Variants in RIMS2 observed in about 807,000 individuals in gnomAD.
RIMS2 encodes regulating synaptic membrane exocytosis protein 2.
A neutral mutation model predicts 174.4 loss-of-function variants in RIMS2; 59 were observed. That is an observed-to-expected ratio of 0.34 (90% CI 0.27 to 0.42). The LOEUF is 0.42. Ranked by LOEUF, RIMS2 falls within the 10% of genes least tolerant of loss-of-function variation. The probability of loss-of-function intolerance (pLI) is 1.00; values close to 1 mark genes in which losing one functional copy is unlikely to be tolerated. For synonymous variants in RIMS2, 606 were observed against 572.5 expected (o/e 1.06, Z -0.84); for missense variants, 1,620 against 1,666.3 (o/e 0.97, Z 0.48).
chr8:104,177,450 A>G (rs1407821508), intron 19 of RIMS2, among the ~76,000 whole-genome samples: 2 of 152,182 alleles, frequency 1.3e-5, no homozygotes, highest in Non-Finnish European at 1.5e-5. Context: ...TGCTTGTTTA[A>G]TAAGATCTCA....
At chr8:103,661,766 A>G (rs1459164037) in intron 1 of RIMS2, among the ~76,000 whole-genome samples, 3 of 152,166 alleles carry the variant, frequency 2.0e-5, no homozygotes, top group South Asian at 2.1e-4. Context: ...TGGTCTCCCA[A>G]CGTGCTAGGA....
rs537024509 is a variant in RIMS2 at position 103,572,744 on chromosome 8, A to G, written c.176+71682A>G. 7.2e-5 allele frequency among the ~76,000 whole-genome samples: 11 copies of G among 152,060 alleles called. No individual in the cohort carries two copies. The South Asian group carries it at 2.3e-3, about 32-fold the overall frequency. On this transcript the variant is annotated intron_variant, in intron 1 of 23. Transcript: ENST00000504942. ...GTTTATGCTCTTTGCCAACTTTTTA[A>G]TGGGGTCATTTATTTTTTATTTGTC...
At chr8:103,650,361 C>T (rs1477578697) in intron 1 of RIMS2, among the ~76,000 whole-genome samples, 2 of 152,130 alleles carry the variant, frequency 1.3e-5, no homozygotes, top group East Asian at 3.9e-4. Flanking sequence ...TAGGAGGTGA[C>T]TGGAGACTCC....
At chr8:104,179,031 A>T (rs1377982338) in intron 19 of RIMS2, among the ~76,000 whole-genome samples, 1 of 152,140 alleles carries the variant, frequency 6.6e-6, no homozygotes, top group African/African-American at 2.4e-5. Context: ...TATCAAGATA[A>T]TGAGCAATTC....
chr8:103,945,243 A>G (rs927738884), intron 14 of RIMS2, among the ~76,000 whole-genome samples: 1 of 152,130 alleles, frequency 6.6e-6, no homozygotes, highest in Non-Finnish European at 1.5e-5. Context: ...AAACTGATCC[A>G]TAAAAAGCTA....
intron 19 of RIMS2, among the ~76,000 whole-genome samples, chr8:104,044,557 G>A (rs189120373): frequency 6.6e-6 from 1 of 151,586 alleles, no homozygotes; most frequent in East Asian, 1.9e-4. Context: ...TAGGATGTAT[G>A]TGGGATGTTT....
intron 19 of RIMS2, among the ~76,000 whole-genome samples, chr8:104,105,563 T>G (rs1015470213): frequency 1.4e-4 from 22 of 151,938 alleles, no homozygotes; most frequent in African/African-American, 5.1e-4. Flanking sequence ...TGGACATCAG[T>G]GTTAATTAAA....
At chr8:103,971,992 A>G (rs1263788250) in intron 15 of RIMS2, among the ~76,000 whole-genome samples, 2 of 152,036 alleles carry the variant, frequency 1.3e-5, no homozygotes, top group African/African-American at 4.8e-5. Context: ...CATGGCCTGA[A>G]CTCTATTCTT....
intron 19 of RIMS2, among the ~76,000 whole-genome samples, chr8:104,207,074 C>T (rs1433177588): frequency 6.6e-6 from 1 of 151,880 alleles, no homozygotes; most frequent in Non-Finnish European, 1.5e-5. Context: ...TAATGAGAGA[C>T]TAGGATTAAA....
At chr8:103,674,606 A>G (rs2136456390) in intron 1 of RIMS2, among the ~76,000 whole-genome samples, 1 of 151,978 alleles carries the variant, frequency 6.6e-6, no homozygotes, top group South Asian at 2.1e-4. Context: ...AACTTTTCTC[A>G]CTAAAAACAT....
At chr8:104,176,030 T>A (rs2098889447) in intron 19 of RIMS2, among the ~76,000 whole-genome samples, 1 of 152,058 alleles carries the variant, frequency 6.6e-6, no homozygotes, top group African/African-American at 2.4e-5. Flanking sequence ...CATATTCTCA[T>A]TCTCTCTCTC....
At chr8:104,084,802 A>G (rs1256585654) in intron 19 of RIMS2, among the ~76,000 whole-genome samples, 3 of 152,082 alleles carry the variant, frequency 2.0e-5, no homozygotes, top group African/African-American at 7.2e-5. Context: ...TAAAACTCAT[A>G]TTTGTCCTAT....
intron 19 of RIMS2, among the ~76,000 whole-genome samples, chr8:104,064,898 A>T (rs1317016078): frequency 6.6e-6 from 1 of 152,060 alleles, no homozygotes; most frequent in African/African-American, 2.4e-5. Flanking sequence ...AGATATAATG[A>T]CCCTAATTTT....
At chr8:103,653,448 AT>A (rs2096485404) in intron 1 of RIMS2, among the ~76,000 whole-genome samples, 1 of 152,164 alleles carries the variant, frequency 6.6e-6, no homozygotes. Flanking sequence ...AAATTCCAGT[AT>A]TCTCCTGACA....
intron 1 of RIMS2, among the ~76,000 whole-genome samples, chr8:103,573,219 C>G (rs2092966018): frequency 6.6e-6 from 1 of 151,506 alleles, no homozygotes; most frequent in Non-Finnish European, 1.5e-5. Context: ...CCACGCCCAG[C>G]TAATTTTTGT....
chr8:104,218,170 G>A (rs75372395), intron 19 of RIMS2, among the ~76,000 whole-genome samples: 3 of 152,192 alleles, frequency 2.0e-5, no homozygotes, highest in Non-Finnish European at 4.4e-5. Context: ...AACTTTTCAT[G>A]AGAAATTCCC....
At chr8:103,592,279 A>G (rs568632420) in intron 1 of RIMS2, among the ~76,000 whole-genome samples, 1 of 151,360 alleles carries the variant, frequency 6.6e-6, no homozygotes, top group East Asian at 1.9e-4. Flanking sequence ...TATGACAGGG[A>G]ATAACATAAC....
intron 1 of RIMS2, among the ~76,000 whole-genome samples, chr8:103,515,728 C>G (rs1828668894): frequency 1.3e-5 from 2 of 151,952 alleles, no homozygotes; most frequent in Admixed American, 1.3e-4. Context: ...GATTATAGAA[C>G]TTTTCTACTT....
At chr8:103,792,489 C>A (rs772942687) in intron 3 of RIMS2, among the ~76,000 whole-genome samples, 2 of 152,024 alleles carry the variant, frequency 1.3e-5, no homozygotes, top group South Asian at 2.1e-4. Context: ...AAAATTGACA[C>A]CCTAACATCA....
Sources: gnomAD v4.1 joint callset for allele counts (sites outside exome capture counted in the v4.1 genomes callset) on GRCh38, gnomAD v4.1.1 for gene constraint, MANE v1.5 for transcripts, NCBI Gene and HGNC (gene_info 2026-07-23, HGNC 2026-07-21) for gene names.